Variants in IL26 observed in about 807,000 individuals in gnomAD.
The protein encoded by IL26 is interleukin-26.
IL26 carries 23 observed loss-of-function variants against 21.7 expected under a neutral mutation model. That is an observed-to-expected ratio of 1.06 (90% confidence interval 0.76 to 1.50). The LOEUF is 1.50. IL26 is among the 40% of genes most tolerant of loss of function. IL26 has a pLI of 0.00. For synonymous variants in IL26, 63 were observed against 67.8 expected (o/e 0.93, Z 0.34); for missense variants, 204 against 196.0 (o/e 1.04, Z -0.24).
intron 3 of IL26, 96 bp from the exon 4 acceptor site, chr12:68,202,179 G>A (rs1432510386): frequency 2.6e-6 from 2 of 768,336 alleles, no homozygotes; most frequent in Non-Finnish European, 4.1e-6. Flanking sequence ...CAGGTATTAT[G>A]TGCTGAGCAC....
At chr12:68,209,471 G>A (rs191942818) in intron 3 of IL26, among the ~76,000 whole-genome samples, 2 of 152,282 alleles carry the variant, frequency 1.3e-5, no homozygotes. Context: ...ATCGATCCTG[G>A]GAGAGCAAGG....
At chr12:68,203,745 T>C (rs1321394000) in intron 3 of IL26, among the ~76,000 whole-genome samples, 1 of 152,112 alleles carries the variant, frequency 6.6e-6, no homozygotes, top group East Asian at 1.9e-4. Flanking sequence ...TCTGCCCAAA[T>C]TGGGATGCTA....
intron 3 of IL26, among the ~76,000 whole-genome samples, chr12:68,213,549 T>C (rs1240794768): frequency 1.3e-5 from 2 of 152,102 alleles, no homozygotes. Context: ...TCAATCTTGT[T>C]ACTCATTATT....
At chr12:68,224,624 G>A (rs78738503) in intron 3 of IL26, among the ~76,000 whole-genome samples, 14,629 of 148,916 alleles carry the variant, frequency 0.098, 817 homozygotes, top group Admixed American at 0.12. Context: ...AGAAAGAAAA[G>A]GAAGTAAAGA....
chr12:68,225,301 G>C lies in IL26; in HGVS notation c.229-18C>G. 1 of 1,600,204 alleles carries C rather than the reference G, an allele frequency of 6.2e-7. No homozygotes were observed. The highest frequency in any genetic ancestry group is 8.5e-7 in the Non-Finnish European group (1 of 1,173,174). On this transcript the variant is annotated intron_variant, in intron 2 of 4. Coordinates refer to ENST00000229134, the MANE Select transcript of IL26 (RefSeq NM_018402.2). ...CAGTTTTTCTAAAAATAAGATACAA[G>C]AAATTGCATATGGTAAATTATGAAT... is the stretch of plus-strand genomic sequence containing the variant.
chr12:68,219,520 GTAAC>G (rs1341487295), intron 3 of IL26, among the ~76,000 whole-genome samples: 7 of 151,774 alleles, frequency 4.6e-5, no homozygotes, highest in Admixed American at 1.3e-4. Flanking sequence ...ATTGTGAAAT[GTAAC>G]TAAAGAAGTA....
At chr12:68,218,572 G>A (rs1426055126) in intron 3 of IL26, among the ~76,000 whole-genome samples, 1 of 152,002 alleles carries the variant, frequency 6.6e-6, no homozygotes, top group African/African-American at 2.4e-5. Flanking sequence ...CAGAATCAGT[G>A]AGCTGTGGGA....
intron 3 of IL26, among the ~76,000 whole-genome samples, chr12:68,222,268 A>G (rs10784694): frequency 0.46 from 70,197 of 151,988 alleles, 17,133 homozygotes; most frequent in East Asian, 0.61. Flanking sequence ...TAAAGCAATC[A>G]ATATCATATG....
At chr12:68,217,638 C>T (rs901181115) in intron 3 of IL26, among the ~76,000 whole-genome samples, 2 of 152,018 alleles carry the variant, frequency 1.3e-5, no homozygotes, top group African/African-American at 4.8e-5. Context: ...TATGAATTAA[C>T]GGATCTAGAC....
chr12:68,207,830 AT>A (rs1868585577), intron 3 of IL26, among the ~76,000 whole-genome samples: 1 of 152,150 alleles, frequency 6.6e-6, no homozygotes, highest in South Asian at 2.1e-4. Flanking sequence ...TTTATAATAG[AT>A]TTGTGGATAC....
At chr12:68,225,327 C>A in intron 2 of IL26, 44 bp from the exon 3 acceptor site, 2 of 1,579,794 alleles carry the variant, frequency 1.3e-6, no homozygotes, top group South Asian at 1.2e-5. Flanking sequence ...AATTATGAAT[C>A]GTTTTTTAAT....
At chr12:68,212,381 T>C (rs1868758591) in intron 3 of IL26, among the ~76,000 whole-genome samples, 2 of 151,980 alleles carry the variant, frequency 1.3e-5, no homozygotes, top group Admixed American at 6.6e-5. Flanking sequence ...TTTGTGGTTC[T>C]GTGGTTCCAT....
At chr12:68,223,479 A>G (rs1485065319) in intron 3 of IL26, among the ~76,000 whole-genome samples, 1 of 152,188 alleles carries the variant, frequency 6.6e-6, no homozygotes, top group Non-Finnish European at 1.5e-5. Context: ...TGTTCGTTTT[A>G]GGTTATAACT....
At chr12:68,205,028 A>G (rs1205527952) in intron 3 of IL26, among the ~76,000 whole-genome samples, 3 of 152,186 alleles carry the variant, frequency 2.0e-5, no homozygotes, top group East Asian at 3.8e-4. Flanking sequence ...GATTTGACAA[A>G]CTCAACAGAA....
At chr12:68,214,764 G>A (rs1017593098) in intron 3 of IL26, among the ~76,000 whole-genome samples, 3 of 151,812 alleles carry the variant, frequency 2.0e-5, no homozygotes, top group Non-Finnish European at 2.9e-5. Context: ...ATATTGTTTG[G>A]TCTTGTTTCT....
chr12:68,225,353 C>T (rs1442580168), intron 2 of IL26, 70 bp from the exon 3 acceptor site: 5 of 1,529,676 alleles, frequency 3.3e-6, no homozygotes, highest in Admixed American at 3.8e-5. Flanking sequence ...CCGATCATTA[C>T]TTAATTACTC....
In IL26 at chr12:68,223,557, T is replaced by G. The variant is rs557503509; in HGVS notation, c.363+1592A>C. ...TTAGTAATGAAAACCTGACATGGAT[T>G]TGGGGGTTCTGACCAGACACTCTGT... is the stretch of plus-strand genomic sequence containing the variant. On this transcript the variant is annotated intron_variant, in intron 3 of 4. Transcript: ENST00000229134. Among the ~76,000 whole-genome samples the G allele has an allele frequency of 2.3e-4, 35 of 152,294 alleles. 1 individual carries two copies. In the South Asian group the frequency reaches 7.3e-3, roughly 32 times the overall value.
intron 3 of IL26, among the ~76,000 whole-genome samples, chr12:68,204,876 G>A (rs530518932): frequency 4.6e-5 from 7 of 152,304 alleles, no homozygotes; most frequent in South Asian, 2.1e-4. Context: ...TTTTACTGCC[G>A]TAATTCAGAT....
chr12:68,211,599 C>T (rs1005666274), intron 3 of IL26, among the ~76,000 whole-genome samples: 6 of 152,206 alleles, frequency 3.9e-5, no homozygotes, highest in South Asian at 2.1e-4. Flanking sequence ...GCCATTCTAA[C>T]GGGGGTGAGA....
Sources: gnomAD v4.1 joint callset for allele counts (sites outside exome capture counted in the v4.1 genomes callset) on GRCh38, gnomAD v4.1.1 for gene constraint, MANE v1.5 for transcripts, NCBI Gene and HGNC (gene_info 2026-07-23, HGNC 2026-07-21) for gene names.